The following FAR2 variants were observed in gnomAD, a reference collection of about 807,000 sequenced individuals.
The protein encoded by FAR2 is fatty acyl-CoA reductase 2.
A neutral mutation model predicts 56.0 loss-of-function variants in FAR2; 19 were observed. That is an observed-to-expected ratio of 0.34 (90% CI 0.24 to 0.50). The LOEUF (loss-of-function observed/expected upper bound fraction) is 0.50, where lower values mean the gene tolerates loss of function less well. FAR2 is among the 20% of genes least tolerant of loss of function. The probability of loss-of-function intolerance (pLI) is 0.98; values close to 1 mark genes in which losing one functional copy is unlikely to be tolerated. For missense variants in FAR2, 508 were observed against 642.2 expected (o/e 0.79, Z 2.26); for synonymous variants, 219 against 218.8 (o/e 1.00, Z -0.01).
chr12:29,206,971 A>G (rs1038117921), intron 1 of FAR2, among the ~76,000 whole-genome samples: 5 of 152,070 alleles, frequency 3.3e-5, no homozygotes, highest in Non-Finnish European at 7.4e-5. Context: ...GAATGTCTGA[A>G]GAAGGACATA....
At chr12:29,272,020 A>G (rs1031968270) in intron 2 of FAR2, among the ~76,000 whole-genome samples, 2 of 152,224 alleles carry the variant, frequency 1.3e-5, no homozygotes, top group Admixed American at 6.5e-5. Context: ...AAAGGCTGAT[A>G]TGACATAGAA....
In FAR2 at chr12:29,329,557, C is replaced by CT. The variant is rs1949700697; in HGVS notation, c.1258-3041dup. 2.0e-5 allele frequency among the ~76,000 whole-genome samples: 3 copies of CT among 152,092 alleles called. No homozygotes were observed. In the South Asian group the frequency reaches 6.2e-4, roughly 31 times the overall value. Reference sequence around the variant, plus strand: ...TGAACAGGGCCACTTTGAAATCAAACTTAGAAATGTTAAACACTATAAAAA... The same window carrying CT: ...TGAACAGGGCCACTTTGAAATCAAACTTTAGAAATGTTAAACACTATAAAAA... On this transcript the variant is annotated intron_variant, in intron 10 of 11. Coordinates refer to ENST00000536681, the MANE Select transcript of FAR2 (RefSeq NM_001271783.2).
At chr12:29,324,592 A>C (rs1479448405) in intron 10 of FAR2, among the ~76,000 whole-genome samples, 1 of 152,236 alleles carries the variant, frequency 6.6e-6, no homozygotes, top group Non-Finnish European at 1.5e-5. Flanking sequence ...GGGGGCCGAC[A>C]TTCAACATTC....
chr12:29,172,510 G>C (rs1352672587), intron 1 of FAR2, among the ~76,000 whole-genome samples: 1 of 152,160 alleles, frequency 6.6e-6, no homozygotes, highest in Non-Finnish European at 1.5e-5. Context: ...CATGACTAAG[G>C]CTGCAGCCTT....
chr12:29,246,997 T>C (rs1948138755), intron 1 of FAR2, among the ~76,000 whole-genome samples: 1 of 152,180 alleles, frequency 6.6e-6, no homozygotes, highest in Non-Finnish European at 1.5e-5. Context: ...TATTTCATAA[T>C]ATTTCATAAT....
intron 1 of FAR2, among the ~76,000 whole-genome samples, chr12:29,228,272 A>G (rs1247136734): frequency 1.3e-5 from 2 of 152,176 alleles, no homozygotes; most frequent in East Asian, 3.8e-4. Context: ...TCCAAATGAA[A>G]CAAATGAACA....
intron 8 of FAR2, among the ~76,000 whole-genome samples, chr12:29,315,317 A>C (rs1283441355): frequency 2.0e-5 from 3 of 152,156 alleles, no homozygotes; most frequent in Admixed American, 2.0e-4. Flanking sequence ...GCTGCAGCAG[A>C]AGCACTGAGG....
intron 2 of FAR2, among the ~76,000 whole-genome samples, chr12:29,287,792 TCTC>T (rs1255045388): frequency 6.6e-6 from 1 of 152,122 alleles, no homozygotes; most frequent in East Asian, 1.9e-4. Flanking sequence ...AGAGGGCAAA[TCTC>T]CTGTGGATAC....
chr12:29,273,852 G>A (rs1948660404), intron 2 of FAR2, among the ~76,000 whole-genome samples: 1 of 152,118 alleles, frequency 6.6e-6, no homozygotes, highest in Admixed American at 6.5e-5. Context: ...GGGCCGGGTA[G>A]CATGCTCACT....
chr12:29,185,274 C>T (rs904386786), intron 1 of FAR2, among the ~76,000 whole-genome samples: 1 of 152,162 alleles, frequency 6.6e-6, no homozygotes, highest in African/African-American at 2.4e-5. Flanking sequence ...TTAAATAACA[C>T]CAGATTCTAA....
At chr12:29,185,461 A>G (rs1565685208) in intron 1 of FAR2, among the ~76,000 whole-genome samples, 1 of 152,268 alleles carries the variant, frequency 6.6e-6, no homozygotes, top group Non-Finnish European at 1.5e-5. Flanking sequence ...CAAGCACCAG[A>G]AAAATAAACT....
At chr12:29,328,996 T>G (rs927319618) in intron 10 of FAR2, among the ~76,000 whole-genome samples, 2 of 152,182 alleles carry the variant, frequency 1.3e-5, no homozygotes, top group African/African-American at 4.8e-5. Flanking sequence ...TGAGTGTGAT[T>G]CAAATCCAAG....
At chr12:29,229,940 G>A (rs771855669) in intron 1 of FAR2, among the ~76,000 whole-genome samples, 2 of 152,096 alleles carry the variant, frequency 1.3e-5, no homozygotes, top group African/African-American at 2.4e-5. Context: ...AAAGGGAACG[G>A]CATTCATTCT....
chr12:29,328,019 A>G (rs1367786427), intron 10 of FAR2, among the ~76,000 whole-genome samples: 2 of 152,212 alleles, frequency 1.3e-5, no homozygotes, highest in African/African-American at 4.8e-5. Context: ...ACAAAGGGCT[A>G]ATATCCAGAA....
chr12:29,221,665 C>A (rs886447103), intron 1 of FAR2, among the ~76,000 whole-genome samples: 1 of 152,116 alleles, frequency 6.6e-6, no homozygotes, highest in African/African-American at 2.4e-5. Flanking sequence ...CCAGTTTTCT[C>A]CCCCAATTTA....
intron 1 of FAR2, among the ~76,000 whole-genome samples, chr12:29,154,923 C>A (rs1212312738): frequency 6.6e-6 from 1 of 152,150 alleles, no homozygotes; most frequent in East Asian, 1.9e-4. Context: ...TAGATTAAAC[C>A]TTTTAACATC....
chr12:29,297,643 C>T (rs1178419454), intron 4 of FAR2, among the ~76,000 whole-genome samples: 1 of 152,114 alleles, frequency 6.6e-6, no homozygotes, highest in Admixed American at 6.5e-5. Context: ...CCAAGTCCTT[C>T]ATTTGTAAAA....
intron 2 of FAR2, among the ~76,000 whole-genome samples, chr12:29,290,474 T>C (rs558110889): frequency 1.3e-5 from 2 of 151,674 alleles, no homozygotes; most frequent in Non-Finnish European, 2.9e-5. Flanking sequence ...AGAAATACCA[T>C]ATGATCCAGC....
intron 5 of FAR2, 120 bp downstream of exon 5, chr12:29,307,955 G>A (rs940443459): frequency 2.0e-5 from 22 of 1,109,908 alleles, no homozygotes; most frequent in Middle Eastern, 3.1e-4. Flanking sequence ...GCAGCCAATC[G>A]AATATGAACC....
Sources: gnomAD v4.1 joint callset for allele counts (sites outside exome capture counted in the v4.1 genomes callset) on GRCh38, gnomAD v4.1.1 for gene constraint, MANE v1.5 for transcripts, NCBI Gene and HGNC (gene_info 2026-07-23, HGNC 2026-07-21) for gene names.